Variants in WWOX observed in about 807,000 individuals in gnomAD.
WWOX encodes the protein WW domain-containing oxidoreductase.
A neutral mutation model predicts 46.2 loss-of-function variants in WWOX; 69 were observed. That is an observed-to-expected ratio of 1.49 (90% CI 1.23 to 1.82). The LOEUF (loss-of-function observed/expected upper bound fraction) is 1.82, where lower values mean the gene tolerates loss of function less well. Ranked by LOEUF, WWOX falls within the 40% of genes most tolerant of loss-of-function variation. WWOX has a pLI of 0.00. For missense variants in WWOX, 919 were observed against 542.6 expected (o/e 1.69, Z -6.89); for synonymous variants, 359 against 202.6 (o/e 1.77, Z -6.56).
chr16:79,057,086 G>A (rs1330474245), intron 8 of WWOX, among the ~76,000 whole-genome samples: 1 of 152,216 alleles, frequency 6.6e-6, no homozygotes, highest in African/African-American at 2.4e-5. Context: ...GAATTGAAGA[G>A]CTTAACCCAC....
chr16:78,703,476 G>A (rs964393113), intron 8 of WWOX, among the ~76,000 whole-genome samples: 11 of 151,822 alleles, frequency 7.2e-5, no homozygotes, highest in African/African-American at 2.7e-4. Context: ...ATTAGCTGGG[G>A]ATGGTGGCTT....
intron 8 of WWOX, among the ~76,000 whole-genome samples, chr16:78,712,150 T>C (rs77154967): frequency 0.021 from 3,227 of 152,262 alleles, 112 homozygotes; most frequent in African/African-American, 0.074. Context: ...CAATGTTCAA[T>C]TGACTTCGAA....
At chr16:79,102,135 G>T (rs375408414) in intron 8 of WWOX, among the ~76,000 whole-genome samples, 1 of 151,542 alleles carries the variant, frequency 6.6e-6, no homozygotes, top group Non-Finnish European at 1.5e-5. Flanking sequence ...GCAAAACAAT[G>T]TACTGGAGTG....
At chr16:78,101,346 CTTT>C (rs71137871) in intron 1 of WWOX, among the ~76,000 whole-genome samples, 1 of 66,816 alleles carries the variant, frequency 1.5e-5, no homozygotes, top group Non-Finnish European at 3.0e-5. Context: ...CGCTCCCGGC[CTTT>C]TTTTTTTTTT....
intron 8 of WWOX, among the ~76,000 whole-genome samples, chr16:79,058,903 G>T (rs113086246): frequency 6.6e-6 from 1 of 152,098 alleles, no homozygotes; most frequent in Non-Finnish European, 1.5e-5. Context: ...ACTCCTCTCC[G>T]TACACTTTGG....
In WWOX at chr16:78,367,537, A is replaced by G. The variant is rs557732908; in HGVS notation, c.517-19323A>G. Among the ~76,000 whole-genome samples, 16 of 152,272 alleles carry G rather than the reference A, an allele frequency of 1.1e-4. No individual in the cohort carries two copies. The South Asian group carries it at 1.9e-3, about 18-fold the overall frequency. On this transcript the variant is annotated intron_variant, in intron 5 of 8. Transcript: ENST00000566780. Reference sequence around the variant, plus strand: ...AAAGATTGGACACCCTGGGAATAAAACAGAAAAAAGGTGTAAAAGGCTTCG... The same window carrying G: ...AAAGATTGGACACCCTGGGAATAAAGCAGAAAAAAGGTGTAAAAGGCTTCG...
rs1380501350 is a variant in WWOX, at chr16:78,965,246, A to G, written c.1057-246362A>G. 3.9e-5 allele frequency among the ~76,000 whole-genome samples: 6 copies of G among 152,342 alleles called. No homozygotes were observed. The East Asian group carries it at 1.2e-3, about 29-fold the overall frequency. On this transcript the variant is annotated intron_variant, in intron 8 of 8. Transcript: ENST00000566780. ...ATAGTAACAATTCCACAGAGATAGT[A>G]TTGATGGTTGAACAAGATGTTTAAA...
chr16:78,845,347 A>G (rs939483621), intron 8 of WWOX, among the ~76,000 whole-genome samples: 9 of 152,172 alleles, frequency 5.9e-5, no homozygotes, highest in South Asian at 2.1e-4. Flanking sequence ...CTGCATGTAG[A>G]AATTCACAGA....
chr16:78,971,854 T>C (rs1110894), intron 8 of WWOX, among the ~76,000 whole-genome samples: 106,656 of 151,920 alleles, frequency 0.7, 38,377 homozygotes, highest in African/African-American at 0.87. Flanking sequence ...TAGTTCATTT[T>C]TCTTCCTGGG....
intron 8 of WWOX, among the ~76,000 whole-genome samples, chr16:78,822,136 A>G (rs1262886291): frequency 6.6e-6 from 1 of 151,956 alleles, no homozygotes; most frequent in Non-Finnish European, 1.5e-5. Context: ...TTGGCCTCCC[A>G]AAGTGCTGGG....
intron 8 of WWOX, among the ~76,000 whole-genome samples, chr16:79,079,654 C>T (rs1175976847): frequency 6.6e-6 from 1 of 152,220 alleles, no homozygotes; most frequent in Non-Finnish European, 1.5e-5. Context: ...CTTCACTCAT[C>T]TTACCTCCTT....
intron 8 of WWOX, among the ~76,000 whole-genome samples, chr16:79,149,779 G>A (rs372453936): frequency 1.3e-5 from 2 of 152,200 alleles, no homozygotes; most frequent in African/African-American, 2.4e-5. Flanking sequence ...CTGGCCTCAC[G>A]TTGCTTGGTA....
At chr16:78,191,008 A>G (rs965000768) in intron 5 of WWOX, among the ~76,000 whole-genome samples, 8 of 152,120 alleles carry the variant, frequency 5.3e-5, no homozygotes, top group Admixed American at 4.6e-4. Flanking sequence ...TCCACATACC[A>G]GCTTGATGGT....
intron 5 of WWOX, among the ~76,000 whole-genome samples, chr16:78,365,045 G>C (rs975240289): frequency 1.3e-5 from 2 of 152,184 alleles, no homozygotes; most frequent in African/African-American, 4.8e-5. Flanking sequence ...GGGCCGGTTA[G>C]ACTTGGGTTC....
At chr16:78,210,271 C>T (rs1279698206) in intron 5 of WWOX, among the ~76,000 whole-genome samples, 1 of 152,142 alleles carries the variant, frequency 6.6e-6, no homozygotes, top group East Asian at 1.9e-4. Context: ...TTGAAGAGCT[C>T]TTAATTGAGC....
At chr16:78,635,704 A>G (rs115128685) in intron 8 of WWOX, among the ~76,000 whole-genome samples, 7 of 152,170 alleles carry the variant, frequency 4.6e-5, no homozygotes, top group Admixed American at 2.6e-4. Context: ...AGCGCTGTCA[A>G]CATCATCTCC....
chr16:79,019,335 C>T (rs1432139831), intron 8 of WWOX, among the ~76,000 whole-genome samples: 1 of 152,040 alleles, frequency 6.6e-6, no homozygotes, highest in East Asian at 1.9e-4. Context: ...GTCTACTACA[C>T]ACACACTTAG....
At chr16:78,918,465 C>T (rs182058663) in intron 8 of WWOX, among the ~76,000 whole-genome samples, 1 of 151,908 alleles carries the variant, frequency 6.6e-6, no homozygotes, top group African/African-American at 2.4e-5. Context: ...CTTGGTTGTT[C>T]TCGGTTTCAG....
intron 8 of WWOX, among the ~76,000 whole-genome samples, chr16:78,732,150 C>T (rs1234783870): frequency 6.6e-6 from 1 of 152,028 alleles, no homozygotes; most frequent in Non-Finnish European, 1.5e-5. Flanking sequence ...AGGTGTGAGC[C>T]CCCAACCCCA....
Sources: allele counts gnomAD v4.1 joint callset (sites outside exome capture counted in the v4.1 genomes callset), GRCh38; gene constraint gnomAD v4.1.1; transcripts MANE v1.5; gene names NCBI Gene and HGNC (gene_info 2026-07-23, HGNC 2026-07-21).